Variants in MRC1 observed in about 807,000 individuals in gnomAD.
MRC1 encodes the protein macrophage mannose receptor 1.
A neutral mutation model predicts 102.9 loss-of-function variants in MRC1; 62 were observed. The observed-to-expected ratio is 0.60, with a 90% CI of 0.49 to 0.74. MRC1 has a LOEUF of 0.74. MRC1 is among the 30% of genes least tolerant of loss of function. The pLI is 0.00. For synonymous variants in MRC1, 457 were observed against 298.4 expected (o/e 1.53, Z -5.48); for missense variants, 1,237 against 862.8 (o/e 1.43, Z -5.43).
chr10:17,907,477 T>G, intron 27 of MRC1, 57 bp from the exon 28 acceptor site: 3 of 778,860 alleles, frequency 3.9e-6, no homozygotes, highest in Non-Finnish European at 7.2e-6. Flanking sequence ...TGGCTGAACT[T>G]ATTTTAAGAT....
chr10:17,812,720 C>T (rs922294367), intron 1 of MRC1, among the ~76,000 whole-genome samples: 11 of 151,982 alleles, frequency 7.2e-5, no homozygotes, highest in South Asian at 2.1e-4. Context: ...TACAGGCACC[C>T]GCCACCACAC....
intron 9 of MRC1, among the ~76,000 whole-genome samples, chr10:17,858,194 G>C (rs986245223): frequency 2.0e-5 from 3 of 152,174 alleles, no homozygotes; most frequent in Non-Finnish European, 4.4e-5. Flanking sequence ...AGCTAGGTCA[G>C]TTTAGAATTC....
At position 17,911,008 on chromosome 10, in the gene MRC1, A is replaced by T. The variant is rs1384068576; in HGVS notation, c.*543A>T. The stretch of plus-strand genomic sequence containing the variant: ...GCAGCTGAGAATCTTGTTTCCCCCA[A>T]GAGAGTTTTACAGGCTGAGTGTTGC... On this transcript the variant is annotated 3_prime_UTR_variant, in exon 30 of 30. Transcript: ENST00000569591. 1 of 165,876 alleles carries T rather than the reference A, an allele frequency of 6.0e-6. No homozygotes were observed. The highest frequency in any genetic ancestry group is 2.4e-5 in the African/African-American group (1 of 41,502). 10.3% of individuals were successfully genotyped at this position (165,876 alleles called of 1,614,324 possible). A position where few individuals can be genotyped will look rare whatever the true frequency, so the allele number is the denominator to read the frequency against.
In MRC1 at chr10:17,856,348, G is replaced by A. The variant is rs1833092451; in HGVS notation, c.1514G>A (p.Arg505Lys). The A allele has an allele frequency of 5.9e-6, 5 of 849,546 alleles. No individual in the cohort carries two copies. In the Admixed American group the frequency reaches 9.0e-5, roughly 15 times the overall value. 52.6% of individuals were successfully genotyped at this position (849,546 alleles called of 1,614,324 possible). ...ATAGTGGAAGTCGAAAAAGGCTGCAGGAAAGTGAGTGCACCATGCCCACAG... is the reference window on the plus strand; with the variant it reads ...ATAGTGGAAGTCGAAAAAGGCTGCAAGAAAGTGAGTGCACCATGCCCACAG... ...PEIVEVEKGC[R>K]KGWKKHHFYC... is the part of the protein sequence containing the mutation. The change falls in exon 9 of 30, where the codon AGG (arginine) becomes AAG (lysine). Residue 505 changes from arginine (R) to lysine (K), a missense_variant. Physicochemically the swap from Arg to Lys is conservative, Grantham distance 26. Coordinates refer to ENST00000569591, the MANE Select transcript of MRC1 (RefSeq NM_002438.4).
chr10:17,846,831 T>G (rs1838832965), intron 6 of MRC1, among the ~76,000 whole-genome samples: 1 of 152,204 alleles, frequency 6.6e-6, no homozygotes, highest in Admixed American at 6.5e-5. Flanking sequence ...CGATCTCCTG[T>G]GTAATGGATT....
chr10:17,823,863 T>A (rs1271767060), intron 2 of MRC1, among the ~76,000 whole-genome samples: 1 of 152,224 alleles, frequency 6.6e-6, no homozygotes, highest in African/African-American at 2.4e-5. Flanking sequence ...TTCCTTTAAG[T>A]TATCCCTGGA....
chr10:17,911,041 T>A lies in MRC1; in HGVS notation c.*576T>A, dbSNP rs1211666593. On this transcript the variant is annotated 3_prime_UTR_variant, in exon 30 of 30. Transcript: ENST00000569591. ...TTACAGGCTGAGTGTTGCAAATGTG[T>A]TCTTTGTCCTGTTATATGTATATCA... 1 of 162,154 alleles carries A rather than the reference T, an allele frequency of 6.2e-6. No individual in the cohort carries two copies. Among genetic ancestry groups the A allele is most frequent in the Non-Finnish European group, 1.4e-5 (1 of 73,164 alleles). The allele number at this position is 162,154 out of a possible 1,614,324, so 10.0% of individuals were successfully genotyped here.
intron 1 of MRC1, among the ~76,000 whole-genome samples, chr10:17,811,066 T>C (rs1221822915): frequency 6.6e-6 from 1 of 152,228 alleles, no homozygotes; most frequent in African/African-American, 2.4e-5. Flanking sequence ...GTGCTGGGAT[T>C]ATAGGCATGA....
Position 17,870,373 on chromosome 10 carries a change from C to T in MRC1, c.2111C>T (p.Thr704Ile), listed in dbSNP as rs1833337483. Residue 704 changes from threonine to isoleucine, a missense_variant and splice_region_variant, in exon 13 of 30, where the codon ACA becomes ATA. By Grantham distance (89) the Thr-to-Ile change is moderately conservative. Coordinates refer to ENST00000569591, the MANE Select transcript of MRC1 (RefSeq NM_002438.4). ...CAGCAAACAATATGGCGATTAATAA[C>T]GTAAGTGGTATTTTTATGGATTCCT... ...EEQQTIWRLI[T>I]ASGSYHKLFW... is the part of the protein sequence containing the mutation. The T allele has an allele frequency of 1.9e-5, 15 of 780,100 alleles. No individual in the cohort carries two copies. The highest frequency in any genetic ancestry group is 4.0e-5 in the South Asian group (3 of 74,574). 48.3% of individuals were successfully genotyped at this position (780,100 alleles called of 1,614,324 possible).
At chr10:17,823,705 A>C (rs1168475011) in intron 2 of MRC1, among the ~76,000 whole-genome samples, 1 of 152,220 alleles carries the variant, frequency 6.6e-6, no homozygotes, top group African/African-American at 2.4e-5. Context: ...TAATGGGAAG[A>C]CATTCTTTTA....
At chr10:17,874,974 G>A in intron 16 of MRC1, 116 bp from the exon 17 acceptor site, 1 of 752,702 alleles carries the variant, frequency 1.3e-6, no homozygotes, top group Non-Finnish European at 2.5e-6. Context: ...GTCTCTCAGA[G>A]TTGCAGATGC....
chr10:17,829,579 G>A (rs1303341787), intron 3 of MRC1, among the ~76,000 whole-genome samples: 4 of 151,434 alleles, frequency 2.6e-5, no homozygotes, highest in Admixed American at 2.0e-4. Flanking sequence ...TTTTGTATTC[G>A]AAGTATTTTT....
intron 9 of MRC1, among the ~76,000 whole-genome samples, 175 bp from the exon 10 acceptor site, chr10:17,861,212 C>G (rs1313801607): frequency 1.3e-5 from 2 of 152,174 alleles, no homozygotes; most frequent in Non-Finnish European, 2.9e-5. Flanking sequence ...ACTCTGGAGA[C>G]TGAGGCAGGA....
chr10:17,891,205 T>C (rs1833669222), intron 22 of MRC1, among the ~76,000 whole-genome samples: 2 of 151,534 alleles, frequency 1.3e-5, no homozygotes, highest in East Asian at 1.9e-4. Context: ...CTCACTCTGT[T>C]GCCCAGGCTG....
At chr10:17,891,460 C>G (rs1255446927) in intron 22 of MRC1, among the ~76,000 whole-genome samples, 1 of 152,116 alleles carries the variant, frequency 6.6e-6, no homozygotes, top group Admixed American at 6.6e-5. Flanking sequence ...GCCATTGCGC[C>G]CGGTGCTCAT....
intron 6 of MRC1, among the ~76,000 whole-genome samples, chr10:17,848,127 C>T (rs890381517): frequency 9.9e-5 from 15 of 152,080 alleles, no homozygotes; most frequent in South Asian, 6.2e-4. Context: ...AGGGAAGATA[C>T]GACCAATTCA....
intron 22 of MRC1, among the ~76,000 whole-genome samples, chr10:17,886,676 A>G (rs1833601363): frequency 6.6e-6 from 1 of 152,200 alleles, no homozygotes; most frequent in African/African-American, 2.4e-5. Context: ...TGCTGGGATT[A>G]CAGGCATGAG....
At chr10:17,827,514 C>G (rs1838499299) in intron 2 of MRC1, 28 bp from the exon 3 acceptor site, 1 of 766,728 alleles carries the variant, frequency 1.3e-6, no homozygotes, top group South Asian at 1.3e-5. Context: ...CACTCACATT[C>G]CAAGTTCAAG....
At chr10:17,890,763 G>A (rs1436106674) in intron 22 of MRC1, among the ~76,000 whole-genome samples, 1 of 152,150 alleles carries the variant, frequency 6.6e-6, no homozygotes, top group Admixed American at 6.5e-5. Flanking sequence ...ACAGTGCAGG[G>A]GTCTGCAACC....
Sources: allele counts gnomAD v4.1 joint callset (sites outside exome capture counted in the v4.1 genomes callset), GRCh38; gene constraint gnomAD v4.1.1; transcripts MANE v1.5; gene names NCBI Gene and HGNC (gene_info 2026-07-23, HGNC 2026-07-21).